COPS8: variants seen among roughly 807,000 people sequenced by gnomAD.
COPS8 encodes COP9 signalosome complex subunit 8.
Under a neutral mutation model 31.5 loss-of-function variants are expected in COPS8, and 11 were observed. That is an observed-to-expected ratio of 0.35 (90% CI 0.22 to 0.58). The LOEUF (loss-of-function observed/expected upper bound fraction) is 0.58, where lower values mean the gene tolerates loss of function less well. COPS8 is among the 20% of genes least tolerant of loss of function. The pLI is 0.83. For synonymous variants in COPS8, 81 were observed against 89.3 expected (o/e 0.91, Z 0.52); for missense variants, 215 against 255.1 (o/e 0.84, Z 1.07).
At chr2:237,093,820 G>A in intron 4 of COPS8, 1 of 1,098,104 alleles carries the variant, frequency 9.1e-7, no homozygotes, top group Non-Finnish European at 1.1e-6. Context: ...TTAGAGCCTT[G>A]TGTTTAGTAA....
At position 237,086,858 on chromosome 2, in the gene COPS8, A is replaced by T. The variant is rs892839059; in HGVS notation, c.79-269A>T. The T allele has an allele frequency of 1.9e-5, 8 of 430,342 alleles. No homozygotes were observed. The Admixed American group carries it at 1.9e-4, about 10-fold the overall frequency. 26.7% of individuals were successfully genotyped at this position (430,342 alleles called of 1,614,324 possible). ...AGGGGATCCACTTACATATTCTTGA[A>T]TGTATAAAGAAACTGAAGCCCAAAG... On this transcript the variant is annotated intron_variant, in intron 1 of 7. Transcript: ENST00000354371.
At chr2:237,089,654 A>AATT (rs1453548313) in intron 3 of COPS8, among the ~76,000 whole-genome samples, 1 of 152,200 alleles carries the variant, frequency 6.6e-6, no homozygotes, top group Non-Finnish European at 1.5e-5. Context: ...CCTACAGATA[A>AATT]ATTTTACCTT....
At chr2:237,095,709 C>G (rs956570962) in intron 5 of COPS8, 113 bp from the exon 6 acceptor site, 10 of 646,426 alleles carry the variant, frequency 1.5e-5, no homozygotes, top group Non-Finnish European at 2.0e-5. Flanking sequence ...ATGCATATGA[C>G]GGGTTATACT....
chr2:237,090,899 T>A (rs747599212), intron 4 of COPS8, among the ~76,000 whole-genome samples: 1 of 151,314 alleles, frequency 6.6e-6, no homozygotes, highest in Non-Finnish European at 1.5e-5. Context: ...AAGGGAGGAG[T>A]GTGGAAGAAG....
At position 237,092,127 on chromosome 2, in the gene COPS8, C is replaced by A. The variant is rs532229586; in HGVS notation, c.332-1963C>A. The stretch of plus-strand genomic sequence containing the variant: ...GCATTCTGTTAGCATTTGTTTTCAC[C>A]AAAAATGTGTTCCATCAACTACTGC... On this transcript the variant is annotated intron_variant, in intron 4 of 7. Coordinates refer to ENST00000354371, the MANE Select transcript of COPS8 (RefSeq NM_006710.5). Among the ~76,000 whole-genome samples, 18 of 152,266 alleles carry A rather than the reference C, an allele frequency of 1.2e-4. No individual in the cohort carries two copies. The South Asian group carries it at 3.5e-3, about 30-fold the overall frequency.
At chr2:237,087,453 G>A in intron 2 of COPS8, 1 of 481,180 alleles carries the variant, frequency 2.1e-6, no homozygotes, top group Non-Finnish European at 3.9e-6. Flanking sequence ...TAACCTTTTT[G>A]TCTTTTTAAG....
At chr2:237,086,788 C>T (rs902783722) in intron 1 of COPS8, 1 of 941,266 alleles carries the variant, frequency 1.1e-6, no homozygotes, top group Non-Finnish European at 1.3e-6. Context: ...GAATTTGTTT[C>T]TTATAATAGT....
chr2:237,087,420 C>T, intron 2 of COPS8: 2 of 515,792 alleles, frequency 3.9e-6, no homozygotes, highest in South Asian at 2.5e-5. Flanking sequence ...TTTATTATGA[C>T]AAATTACGTC....
At chr2:237,095,156 C>T (rs1303984802) in intron 5 of COPS8, among the ~76,000 whole-genome samples, 1 of 152,098 alleles carries the variant, frequency 6.6e-6, no homozygotes, top group Non-Finnish European at 1.5e-5. Context: ...CTCATACAAA[C>T]ATTTATTTCT....
chr2:237,097,219 G>GTTTTTTT (rs1478023230), intron 7 of COPS8, among the ~76,000 whole-genome samples: 1 of 121,916 alleles, frequency 8.2e-6, no homozygotes. Flanking sequence ...TTCTTTGTGG[G>GTTTTTTT]TTTTCTTTTT....
At chr2:237,096,749 A>C in intron 6 of COPS8, 73 bp from the exon 7 acceptor site, 1 of 1,177,830 alleles carries the variant, frequency 8.5e-7, no homozygotes, top group South Asian at 1.3e-5. Context: ...TTGTGCTGAA[A>C]ATAGCATGTT....
Position 237,089,682 on chromosome 2 carries a change from A to G in COPS8, c.199-180A>G, listed in dbSNP as rs988126657. On this transcript the variant is annotated intron_variant, in intron 3 of 7. Transcript: ENST00000354371. ...TTTACCTTACTGCTCATAGTGTTTA[A>G]AAACCTTTTGATAGTGATTGGGCTG... is the stretch of plus-strand genomic sequence containing the variant. Among the ~76,000 whole-genome samples the G allele has an allele frequency of 6.6e-5, 10 of 152,206 alleles. No homozygotes were observed. In the East Asian group the frequency reaches 1.9e-3, roughly 29 times the overall value.
At chr2:237,096,458 T>C (rs532940619) in intron 6 of COPS8, among the ~76,000 whole-genome samples, 147 of 152,302 alleles carry the variant, frequency 9.7e-4, no homozygotes, top group Non-Finnish European at 6.5e-4. Context: ...GGAGTGTCTT[T>C]TCTGCCAGGT....
chr2:237,088,043 T>C (rs1161744440), intron 2 of COPS8, among the ~76,000 whole-genome samples: 1 of 152,220 alleles, frequency 6.6e-6, no homozygotes, highest in Non-Finnish European at 1.5e-5. Context: ...AACCTTTCTT[T>C]TATATCTTTT....
At chr2:237,087,400 A>C (rs558729342) in intron 2 of COPS8, 1 of 535,960 alleles carries the variant, frequency 1.9e-6, no homozygotes, top group Non-Finnish European at 3.4e-6. Context: ...CTTTCTAGAA[A>C]ACATTTCAAT....
In COPS8 at chr2:237,089,900, A is replaced by G. The variant is rs1444499472; in HGVS notation, c.237A>G (p.Gln79=). ...SELGGIWSVG[Q]RIWQRDFPGI... is the part of the protein sequence containing the mutation. ...TTGGGGGAATTTGGTCAGTAGGACAAAGAATCTGGCAGAGAGATTTCCCTG... is the reference window on the plus strand; with the variant it reads ...TTGGGGGAATTTGGTCAGTAGGACAGAGAATCTGGCAGAGAGATTTCCCTG... Residue 79 remains glutamine (Q), a synonymous_variant, in exon 4 of 8, where the codon CAA becomes CAG. Transcript: ENST00000354371. The G allele has an allele frequency of 6.2e-7, 1 of 1,613,302 alleles. No homozygotes were observed. The highest frequency in any genetic ancestry group is 1.1e-5 in the South Asian group (1 of 91,040).
intron 4 of COPS8, among the ~76,000 whole-genome samples, chr2:237,090,678 A>G (rs1374306786): frequency 6.6e-6 from 1 of 152,134 alleles, no homozygotes; most frequent in Non-Finnish European, 1.5e-5. Context: ...GTGAGCAGGA[A>G]TTTTTTTAAT....
At position 237,089,934 on chromosome 2, in the gene COPS8, A is replaced by G. The variant is rs754340188; in HGVS notation, c.271A>G (p.Thr91Ala). ...GCAGAGAGATTTCCCTGGGATCTATACAACCATCAACGCTCACCAGTGGTC... is the reference window on the plus strand; with the variant it reads ...GCAGAGAGATTTCCCTGGGATCTATGCAACCATCAACGCTCACCAGTGGTC... ...IWQRDFPGIYTTINAHQWSET... is the reference protein window; with the variant it reads ...IWQRDFPGIYATINAHQWSET... The change falls in exon 4 of 8, where the codon ACA becomes GCA. Residue 91 changes from threonine to alanine, a missense_variant. Physicochemically the swap from Thr to Ala is moderately conservative, Grantham distance 58. Coordinates refer to ENST00000354371, the MANE Select transcript of COPS8 (RefSeq NM_006710.5). The G allele has an allele frequency of 6.2e-7, 1 of 1,614,002 alleles. No homozygotes were observed. Among genetic ancestry groups the G allele is most frequent in the South Asian group, 1.1e-5 (1 of 91,070 alleles).
At chr2:237,096,253 G>A (rs1195983866) in intron 6 of COPS8, among the ~76,000 whole-genome samples, 1 of 151,764 alleles carries the variant, frequency 6.6e-6, no homozygotes, top group African/African-American at 2.4e-5. Context: ...TTTTCTGTTT[G>A]CACTCAAGTC....
Sources: gnomAD v4.1 joint callset for allele counts (sites outside exome capture counted in the v4.1 genomes callset) on GRCh38, gnomAD v4.1.1 for gene constraint, MANE v1.5 for transcripts, NCBI Gene and HGNC (gene_info 2026-07-23, HGNC 2026-07-21) for gene names.